Variants in CALN1 observed in about 807,000 individuals in gnomAD.
The protein encoded by CALN1 is calneuron 1.
A neutral mutation model predicts 30.6 loss-of-function variants in CALN1; 17 were observed. The observed-to-expected ratio is 0.56, with a 90% confidence interval of 0.38 to 0.83. The LOEUF (loss-of-function observed/expected upper bound fraction) is 0.83. Ranked by LOEUF, CALN1 falls within the 40% of genes least tolerant of loss-of-function variation. The probability of loss-of-function intolerance (pLI) is 0.00; values close to 1 mark genes in which losing one functional copy is unlikely to be tolerated. For missense variants in CALN1, 291 were observed against 354.9 expected (o/e 0.82, Z 1.45); for synonymous variants, 156 against 131.4 (o/e 1.19, Z -1.28).
intron 5 of CALN1, among the ~76,000 whole-genome samples, chr7:71,966,945 G>C (rs570228436): frequency 6.6e-6 from 1 of 152,284 alleles, no homozygotes; most frequent in Admixed American, 6.5e-5. Flanking sequence ...CAGAACAACA[G>C]AAAGATATGT....
At chr7:72,043,122 G>C (rs960599675) in intron 4 of CALN1, among the ~76,000 whole-genome samples, 1 of 152,166 alleles carries the variant, frequency 6.6e-6, no homozygotes, top group African/African-American at 2.4e-5. Context: ...TCCAGATCTG[G>C]GATGTTTAAC....
chr7:72,272,000 T>G (rs969390365), intron 3 of CALN1, among the ~76,000 whole-genome samples: 2 of 149,954 alleles, frequency 1.3e-5, no homozygotes, highest in East Asian at 4.0e-4. Flanking sequence ...AGGCAGAGGT[T>G]GCAGTGAGCT....
intron 2 of CALN1, among the ~76,000 whole-genome samples, chr7:72,307,285 AACTT>A (rs1422468475): frequency 2.0e-5 from 3 of 152,212 alleles, no homozygotes; most frequent in Non-Finnish European, 4.4e-5. Flanking sequence ...AGCCATTTGA[AACTT>A]ACATGTTATT....
Position 72,278,012 on chromosome 7 carries a change from G to T in CALN1, c.244+674C>A, listed in dbSNP as rs567967284. ...AATCAACCTAATCCTCTATTCCGGG[G>T]GGGGGGGACTTGTTTTTCCTATTTT... is the stretch of plus-strand genomic sequence containing the variant. On this transcript the variant is annotated intron_variant, in intron 3 of 6. Coordinates refer to ENST00000395275, the MANE Select transcript of CALN1 (RefSeq NM_031468.4). Among the ~76,000 whole-genome samples the T allele has an allele frequency of 1.1e-3, 146 of 138,764 alleles. 14 individuals are homozygous for T. Among genetic ancestry groups the T allele is most frequent in the African/African-American group, 3.8e-3 (141 of 37,376 alleles). 91.0% of individuals were successfully genotyped at this position (138,764 alleles called of 152,430 possible). A position where few individuals can be genotyped will look rare whatever the true frequency, so the allele number is the denominator to read the frequency against.
intron 3 of CALN1, among the ~76,000 whole-genome samples, chr7:72,141,058 T>C (rs902599084): frequency 4.6e-5 from 7 of 152,238 alleles, no homozygotes; most frequent in Non-Finnish European, 1.0e-4. Context: ...ACTGGTGCTG[T>C]GCTGTCCCTC....
At chr7:72,155,043 C>A (rs1311074277) in intron 3 of CALN1, among the ~76,000 whole-genome samples, 6 of 151,764 alleles carry the variant, frequency 4.0e-5, no homozygotes, top group Admixed American at 3.3e-4. Context: ...GACAACAGGG[C>A]ATGATCATGT....
intron 3 of CALN1, among the ~76,000 whole-genome samples, chr7:72,117,970 G>GA (rs1342596026): frequency 0.014 from 1,833 of 130,576 alleles, 29 homozygotes; most frequent in African/African-American, 0.045. Context: ...AAAAAAAAAA[G>GA]AAAAAAAAAA....
At chr7:72,336,886 G>T (rs963448974) in intron 2 of CALN1, 2 of 984,890 alleles carry the variant, frequency 2.0e-6, no homozygotes, top group South Asian at 9.4e-5. Flanking sequence ...CCTCGCTGCC[G>T]CCGGCTCCCT....
intron 3 of CALN1, among the ~76,000 whole-genome samples, chr7:72,221,771 T>C (rs1320646374): frequency 6.6e-6 from 1 of 151,224 alleles, no homozygotes; most frequent in Admixed American, 6.6e-5. Flanking sequence ...GTGCCTGTAA[T>C]CCCAGCAACT....
chr7:71,985,353 A>G (rs1001848067), intron 5 of CALN1, among the ~76,000 whole-genome samples: 11 of 152,126 alleles, frequency 7.2e-5, no homozygotes, highest in Admixed American at 7.2e-4. Flanking sequence ...TTTAGAAAGC[A>G]ACGCAGCAGG....
intron 4 of CALN1, among the ~76,000 whole-genome samples, chr7:72,060,537 A>G (rs1024376775): frequency 6.6e-6 from 1 of 152,144 alleles, no homozygotes; most frequent in African/African-American, 2.4e-5. Flanking sequence ...GTCTAACCCT[A>G]AACAGTCTGC....
At chr7:72,078,567 C>A (rs965823721) in intron 4 of CALN1, among the ~76,000 whole-genome samples, 1 of 152,150 alleles carries the variant, frequency 6.6e-6, no homozygotes, top group African/African-American at 2.4e-5. Flanking sequence ...AGCCCAGATT[C>A]CCAGATTGTC....
chr7:72,289,608 A>G (rs1585375114), intron 2 of CALN1, among the ~76,000 whole-genome samples: 3 of 152,310 alleles, frequency 2.0e-5, no homozygotes, highest in South Asian at 4.1e-4. Flanking sequence ...ATTTGGAAAG[A>G]GATGTGCAGC....
Position 71,782,386 on chromosome 7 carries a change from T to C in CALN1, c.*5389A>G, listed in dbSNP as rs1435794026. 6.6e-6 allele frequency: 1 copy of C among 152,206 alleles called. No homozygotes were observed. Among genetic ancestry groups the C allele is most frequent in the East Asian group, 1.9e-4 (1 of 5,186 alleles). The allele number at this position is 152,206 out of a possible 1,614,324, so 9.4% of individuals were successfully genotyped here. A position where few individuals can be genotyped will look rare whatever the true frequency, so the allele number is the denominator to read the frequency against. On this transcript the variant is annotated 3_prime_UTR_variant, in exon 7 of 7. Coordinates refer to ENST00000395275, the MANE Select transcript of CALN1 (RefSeq NM_031468.4). ...CCTGCTCCCCCTTCACCTTCCACCA[T>C]GGGTCAAAGCTTTCTGAGGTCTCAC...
At chr7:72,185,568 G>T (rs1213438259) in intron 3 of CALN1, among the ~76,000 whole-genome samples, 1 of 152,124 alleles carries the variant, frequency 6.6e-6, no homozygotes, top group East Asian at 1.9e-4. Flanking sequence ...GACTTTGCAG[G>T]TGTGATCAAG....
chr7:72,298,507 A>G (rs775743461), intron 2 of CALN1, among the ~76,000 whole-genome samples: 2 of 152,228 alleles, frequency 1.3e-5, no homozygotes, highest in Non-Finnish European at 2.9e-5. Context: ...AGGAAATGTC[A>G]GCTTGGTCAC....
chr7:72,260,740 TAAGTTCTCA>T (rs1796210174), intron 3 of CALN1, among the ~76,000 whole-genome samples: 1 of 151,848 alleles, frequency 6.6e-6, no homozygotes, highest in Non-Finnish European at 1.5e-5. Flanking sequence ...TAAGAAACAC[TAAGTTCTCA>T]GATTTGTCTC....
At chr7:71,986,146 C>G (rs1351919799) in intron 5 of CALN1, among the ~76,000 whole-genome samples, 2 of 152,064 alleles carry the variant, frequency 1.3e-5, no homozygotes, top group East Asian at 3.9e-4. Context: ...CTCCCTGGTT[C>G]AAGCAATTCT....
chr7:71,942,285 C>A, intron 5 of CALN1: 1 of 203,186 alleles, frequency 4.9e-6, no homozygotes. Flanking sequence ...TGCAGCCTAT[C>A]AAGCTGGCCA....
Sources: gnomAD v4.1 joint callset for allele counts (sites outside exome capture counted in the v4.1 genomes callset) on GRCh38, gnomAD v4.1.1 for gene constraint, MANE v1.5 for transcripts, NCBI Gene and HGNC (gene_info 2026-07-23, HGNC 2026-07-21) for gene names.